GABRG3: variants seen among roughly 807,000 people sequenced by gnomAD.
GABRG3 encodes gamma-aminobutyric acid type A receptor subunit gamma3.
Under a neutral mutation model 48.8 loss-of-function variants are expected in GABRG3, and 25 were observed. The ratio of observed to expected loss-of-function variants is 0.51; its 90% confidence interval spans 0.37 to 0.72. The LOEUF (loss-of-function observed/expected upper bound fraction) is 0.72, where lower values mean the gene tolerates loss of function less well. Ranked by LOEUF, GABRG3 falls within the 30% of genes least tolerant of loss-of-function variation. The probability of loss-of-function intolerance (pLI) is 0.00; values close to 1 mark genes in which losing one functional copy is unlikely to be tolerated. For synonymous variants in GABRG3, 227 were observed against 217.6 expected, an observed-to-expected ratio of 1.04 and a Z score of -0.38; for missense variants, 394 against 577.9, an observed-to-expected ratio of 0.68 and a Z score of 3.26.
intron 3 of GABRG3, among the ~76,000 whole-genome samples, chr15:27,029,390 C>T (rs977098876): frequency 6.6e-6 from 1 of 152,204 alleles, no homozygotes; most frequent in African/African-American, 2.4e-5. Context: ...TACTAGCCTA[C>T]CTCGGCTCAG....
At chr15:27,008,250 A>G (rs1270951998) in intron 2 of GABRG3, among the ~76,000 whole-genome samples, 1 of 152,244 alleles carries the variant, frequency 6.6e-6, no homozygotes, top group Non-Finnish European at 1.5e-5. Context: ...TTAGAACGTA[A>G]TCACTAAGTA....
intron 3 of GABRG3, among the ~76,000 whole-genome samples, chr15:27,100,932 G>A (rs1897344921): frequency 6.6e-6 from 1 of 152,172 alleles, no homozygotes; most frequent in Non-Finnish European, 1.5e-5. Context: ...TGGTTTCACT[G>A]TCATTTTCAA....
At chr15:27,309,949 G>T (rs61113898) in intron 3 of GABRG3, among the ~76,000 whole-genome samples, 16,180 of 151,922 alleles carry the variant, frequency 0.11, 2,530 homozygotes, top group African/African-American at 0.35. Flanking sequence ...ATAAACAAAC[G>T]GTGACACATC....
chr15:27,425,898 A>G (rs1387929658), intron 5 of GABRG3, among the ~76,000 whole-genome samples: 1 of 152,190 alleles, frequency 6.6e-6, no homozygotes, highest in Non-Finnish European at 1.5e-5. Context: ...AACACACAAG[A>G]AAGTGGTTCA....
At chr15:27,146,459 A>AAACAAC (rs556609379) in intron 3 of GABRG3, among the ~76,000 whole-genome samples, 1 of 152,130 alleles carries the variant, frequency 6.6e-6, no homozygotes, top group Non-Finnish European at 1.5e-5. Flanking sequence ...TCTGTCTCAA[A>AAACAAC]AACAACAACA....
intron 6 of GABRG3, among the ~76,000 whole-genome samples, chr15:27,484,475 T>C (rs1437803235): frequency 6.6e-6 from 1 of 152,190 alleles, no homozygotes; most frequent in Non-Finnish European, 1.5e-5. Flanking sequence ...GCTAAATATA[T>C]ATGGATATGC....
chr15:27,494,544 C>T (rs1286007169), intron 6 of GABRG3, among the ~76,000 whole-genome samples: 1 of 152,036 alleles, frequency 6.6e-6, no homozygotes, highest in Non-Finnish European at 1.5e-5. Context: ...ATCCAAATGC[C>T]TTATTTTATA....
At chr15:27,178,018 G>A (rs1887800152) in intron 3 of GABRG3, among the ~76,000 whole-genome samples, 1 of 152,092 alleles carries the variant, frequency 6.6e-6, no homozygotes, top group African/African-American at 2.4e-5. Context: ...CATCTCCTGG[G>A]GGATGGTGGG....
rs1457158228 is a variant in GABRG3, at chr15:27,308,254, ACGTT to A, written c.271-18554_271-18551del. Among the ~76,000 whole-genome samples, 24 of 110,956 alleles carry A rather than the reference ACGTT, an allele frequency of 2.2e-4. 1 individual carries two copies. Among genetic ancestry groups the A allele is most frequent in the East Asian group, 9.0e-4 (3 of 3,336 alleles). The allele number at this position is 110,956 out of a possible 152,430, so 72.8% of individuals were successfully genotyped here. On this transcript the variant is annotated intron_variant, in intron 3 of 9. Coordinates refer to ENST00000615808, the MANE Select transcript of GABRG3 (RefSeq NM_033223.5). ...TATATATCCAAACATATATAAACATACGTTTATATATAAACATAATATAAACATA... is the reference window on the plus strand; with the variant it reads ...TATATATCCAAACATATATAAACATATATATATAAACATAATATAAACATA...
At chr15:27,313,278 ATATATAT>A (rs1428415733) in intron 3 of GABRG3, among the ~76,000 whole-genome samples, 1 of 79,846 alleles carries the variant, frequency 1.3e-5, no homozygotes, top group Non-Finnish European at 2.3e-5. Flanking sequence ...ATATATATAT[ATATATAT>A]ATATATATAT....
chr15:27,308,391 A>G (rs924835852), intron 3 of GABRG3, among the ~76,000 whole-genome samples: 3 of 145,034 alleles, frequency 2.1e-5, no homozygotes, highest in Non-Finnish European at 4.5e-5. Context: ...TTATATATAA[A>G]CATATAATAT....
At chr15:27,344,154 G>T (rs1167003047) in intron 5 of GABRG3, among the ~76,000 whole-genome samples, 1 of 152,176 alleles carries the variant, frequency 6.6e-6, no homozygotes, top group Non-Finnish European at 1.5e-5. Context: ...TGTTCTGAGG[G>T]GTCTGGGGAG....
intron 5 of GABRG3, among the ~76,000 whole-genome samples, chr15:27,477,642 G>A (rs2150843401): frequency 6.6e-6 from 1 of 152,294 alleles, no homozygotes; most frequent in African/African-American, 2.4e-5. Flanking sequence ...ATTGACAATG[G>A]AGGAGGCTGT....
chr15:27,540,933 G>GCTA lies in GABRG3; in HGVS notation c.*8052_*8053insCTA, dbSNP rs1393766535. 6.6e-6 allele frequency: 1 copy of GCTA among 152,216 alleles called. No individual in the cohort carries two copies. 9.4% of individuals were successfully genotyped at this position (152,216 alleles called of 1,614,324 possible). On this transcript the variant is annotated 3_prime_UTR_variant, in exon 10 of 10. Coordinates refer to ENST00000615808, the MANE Select transcript of GABRG3 (RefSeq NM_033223.5). ...CAAATTTAGCTGAAACAAGTAGAAA[G>GCTA]GAGCGCAGTTTTCTAGCGATAGCGT...
intron 5 of GABRG3, among the ~76,000 whole-genome samples, chr15:27,371,535 T>G (rs758663332): frequency 3.9e-5 from 6 of 152,232 alleles, no homozygotes; most frequent in Non-Finnish European, 5.9e-5. Context: ...CCATATCTAG[T>G]TAATAATGCA....
rs1894941424 is a variant in GABRG3 at position 27,359,157 on chromosome 15, GTC to G, written c.574+30272_574+30273del. Among the ~76,000 whole-genome samples the G allele has an allele frequency of 3.9e-5, 6 of 152,300 alleles. No individual in the cohort carries two copies. In the East Asian group the frequency reaches 1.2e-3, roughly 30 times the overall value. On this transcript the variant is annotated intron_variant, in intron 5 of 9. Transcript: ENST00000615808. ...CCACCCGGCCTCAGGCCCCTGTCAG[GTC>G]TCCCACTGCACCAAGATTGACTACA... is the stretch of plus-strand genomic sequence containing the variant.
chr15:27,093,040 G>A lies in GABRG3; in HGVS notation c.270+66219G>A, dbSNP rs77785270. Among the ~76,000 whole-genome samples, 328 of 152,084 alleles carry A rather than the reference G, an allele frequency of 2.2e-3. 2 individuals carry two copies. Among genetic ancestry groups the A allele is most frequent in the African/African-American group, 6.6e-3 (273 of 41,494 alleles). Reference sequence around the variant, plus strand: ...CCCCAGTCACTGAACCCTACCCCACGGACTCCTCTAGACAGGCAGCCATTG... The same window carrying A: ...CCCCAGTCACTGAACCCTACCCCACAGACTCCTCTAGACAGGCAGCCATTG... On this transcript the variant is annotated intron_variant, in intron 3 of 9. Transcript: ENST00000615808.
intron 3 of GABRG3, among the ~76,000 whole-genome samples, chr15:27,154,378 T>C (rs567232799): frequency 8.3e-4 from 126 of 152,298 alleles, no homozygotes; most frequent in African/African-American, 2.9e-3. Context: ...AGTACTGTGA[T>C]GAATGAGAGT....
At chr15:27,192,013 G>T (rs1222724377) in intron 3 of GABRG3, among the ~76,000 whole-genome samples, 7 of 151,916 alleles carry the variant, frequency 4.6e-5, no homozygotes, top group African/African-American at 1.7e-4. Flanking sequence ...ATGAAATTCT[G>T]GGTTGAAAAT....
Sources: gnomAD v4.1 joint callset for allele counts (sites outside exome capture counted in the v4.1 genomes callset) on GRCh38, gnomAD v4.1.1 for gene constraint, MANE v1.5 for transcripts, NCBI Gene and HGNC (gene_info 2026-07-23, HGNC 2026-07-21) for gene names.